Variants in MCPH1 observed in about 807,000 individuals in gnomAD.
The protein encoded by MCPH1 is microcephalin 1, also known as microcephalin.
Under a neutral mutation model 84.5 loss-of-function variants are expected in MCPH1, and 104 were observed. The observed-to-expected ratio is 1.23, with a 90% CI of 1.05 to 1.45. The LOEUF is 1.45. MCPH1 is among the 40% of genes most tolerant of loss of function. The pLI, the probability that MCPH1 is intolerant of heterozygous loss-of-function variation, is 0.00. For missense variants in MCPH1, 1,498 were observed against 1,005.7 expected (o/e 1.49, Z -6.62); for synonymous variants, 514 against 366.8 (o/e 1.40, Z -4.58).
chr8:6,624,960 T>C (rs1171871622), intron 13 of MCPH1: 1 of 701,986 alleles, frequency 1.4e-6, no homozygotes, highest in Non-Finnish European at 1.7e-6. Context: ...ACTGCAACCT[T>C]CACCTCCTGG....
intron 12 of MCPH1, among the ~76,000 whole-genome samples, chr8:6,598,475 A>C (rs756274019): frequency 6.6e-6 from 1 of 152,100 alleles, no homozygotes; most frequent in African/African-American, 2.4e-5. Context: ...GGTCGTGAGG[A>C]ATGTCGTTGT....
intron 8 of MCPH1, among the ~76,000 whole-genome samples, chr8:6,448,968 A>G (rs1160838429): frequency 6.6e-6 from 1 of 152,198 alleles, no homozygotes; most frequent in East Asian, 1.9e-4. Flanking sequence ...ATACAGGTCT[A>G]TTAATGAGAA....
At chr8:6,484,019 G>A (rs547644622) in intron 11 of MCPH1, among the ~76,000 whole-genome samples, 7 of 152,170 alleles carry the variant, frequency 4.6e-5, no homozygotes, top group African/African-American at 1.4e-4. Context: ...CTTGGTGTAG[G>A]CAAAGAGTTC....
intron 11 of MCPH1, among the ~76,000 whole-genome samples, chr8:6,493,664 C>T (rs770992725): frequency 6.6e-6 from 1 of 152,100 alleles, no homozygotes; most frequent in Non-Finnish European, 1.5e-5. Context: ...TCTGGGTCTG[C>T]TCAGGCTTGA....
intron 12 of MCPH1, among the ~76,000 whole-genome samples, chr8:6,574,141 G>A (rs1826874898): frequency 1.3e-5 from 2 of 152,212 alleles, no homozygotes; most frequent in Admixed American, 6.5e-5. Flanking sequence ...TATCCCTGCT[G>A]TATTGGTTTG....
chr8:6,584,522 T>C (rs754789109), intron 12 of MCPH1, among the ~76,000 whole-genome samples: 16 of 152,224 alleles, frequency 1.1e-4, no homozygotes, highest in Admixed American at 4.6e-4. Context: ...ACTTCACATC[T>C]ATAATAAACT....
chr8:6,420,894 G>C (rs1800094300), intron 3 of MCPH1, among the ~76,000 whole-genome samples: 1 of 152,220 alleles, frequency 6.6e-6, no homozygotes, highest in Admixed American at 6.5e-5. Flanking sequence ...AGAAGAGACT[G>C]ACGCAAGGGT....
chr8:6,497,561 C>G (rs1586117661), intron 11 of MCPH1, among the ~76,000 whole-genome samples: 2 of 152,160 alleles, frequency 1.3e-5, no homozygotes, highest in African/African-American at 4.8e-5. Flanking sequence ...TGACCAGCAC[C>G]AGTACTCCAT....
chr8:6,582,895 A>T (rs756376848), intron 12 of MCPH1, among the ~76,000 whole-genome samples: 1 of 151,962 alleles, frequency 6.6e-6, no homozygotes, highest in African/African-American at 2.4e-5. Context: ...AGCCTTTCCC[A>T]TCCTTTAAGG....
At chr8:6,524,537 G>C (rs1307510559) in intron 12 of MCPH1, among the ~76,000 whole-genome samples, 2 of 152,208 alleles carry the variant, frequency 1.3e-5, no homozygotes, top group Non-Finnish European at 2.9e-5. Context: ...GTTTCACTGA[G>C]TGATAGTTGG....
intron 12 of MCPH1, among the ~76,000 whole-genome samples, chr8:6,504,113 C>T (rs1352435751): frequency 2.0e-5 from 3 of 151,872 alleles, no homozygotes; most frequent in Admixed American, 6.6e-5. Context: ...GATCAGGAGA[C>T]CGAGACCATC....
chr8:6,447,461 A>G (rs1804566896), intron 8 of MCPH1: 2 of 978,050 alleles, frequency 2.0e-6, no homozygotes, highest in African/African-American at 3.5e-5. Flanking sequence ...ATACAGTGTA[A>G]AAAAGGCTTC....
intron 12 of MCPH1, among the ~76,000 whole-genome samples, chr8:6,540,123 C>G (rs1366034635): frequency 6.6e-6 from 1 of 152,210 alleles, no homozygotes; most frequent in African/African-American, 2.4e-5. Context: ...TGTCTGTGCT[C>G]TGGCAAATCC....
intron 12 of MCPH1, among the ~76,000 whole-genome samples, chr8:6,537,367 C>G (rs1443487449): frequency 5.9e-5 from 9 of 151,946 alleles, no homozygotes. Flanking sequence ...TTCTTCCTTT[C>G]TCAGAACTCA....
At chr8:6,635,932 G>C (rs918717564) in intron 13 of MCPH1, among the ~76,000 whole-genome samples, 2 of 152,208 alleles carry the variant, frequency 1.3e-5, no homozygotes, top group African/African-American at 2.4e-5. Context: ...TGGCTGCTTA[G>C]CTCCCCTGAG....
intron 12 of MCPH1, among the ~76,000 whole-genome samples, chr8:6,587,129 C>G (rs568144861): frequency 1.3e-5 from 2 of 152,186 alleles, no homozygotes; most frequent in East Asian, 3.9e-4. Context: ...AGTATGCGTG[C>G]ACGTCTCTGG....
chr8:6,636,333 C>T (rs1797553155), intron 13 of MCPH1, among the ~76,000 whole-genome samples: 1 of 136,246 alleles, frequency 7.3e-6, no homozygotes, highest in African/African-American at 2.9e-5. Context: ...GAGAGACTGT[C>T]TCAAAAAAAA....
chr8:6,626,957 A>G (rs533024364), intron 13 of MCPH1: 5 of 984,956 alleles, frequency 5.1e-6, no homozygotes, highest in Non-Finnish European at 6.0e-6. Context: ...TTGTGGGAAC[A>G]TAATGTAATA....
At chr8:6,492,732 TAA>T in intron 11 of MCPH1, among the ~76,000 whole-genome samples, 1 of 85,350 alleles carries the variant, frequency 1.2e-5, no homozygotes, top group East Asian at 5.1e-4. Context: ...AATTATCAAA[TAA>T]ATATTAATAA....
Sources: allele counts gnomAD v4.1 joint callset (sites outside exome capture counted in the v4.1 genomes callset), GRCh38; gene constraint gnomAD v4.1.1; transcripts MANE v1.5; gene names NCBI Gene and HGNC (gene_info 2026-07-23, HGNC 2026-07-21).